The following PCDH15 variants were observed in gnomAD, a reference collection of about 807,000 sequenced individuals.
PCDH15 encodes protocadherin-15.
In PCDH15, 129 loss-of-function variants were observed where a neutral mutation model predicts 178.5. That is an observed-to-expected ratio of 0.72 (90% confidence interval 0.63 to 0.84). The LOEUF (loss-of-function observed/expected upper bound fraction) is 0.84. PCDH15 is among the 40% of genes least tolerant of loss of function. The pLI is 0.00. For missense variants in PCDH15, 2,230 were observed against 2,099.9 expected, an observed-to-expected ratio of 1.06 and a Z score of -1.21; for synonymous variants, 800 against 732.0, an observed-to-expected ratio of 1.09 and a Z score of -1.50.
chr10:55,401,460 C>T (rs1040762865), intron 2 of PCDH15, among the ~76,000 whole-genome samples: 28 of 152,048 alleles, frequency 1.8e-4, no homozygotes, highest in Non-Finnish European at 3.5e-4. Flanking sequence ...ATCCTGTCCA[C>T]AGTACATCAC....
intron 1 of PCDH15, among the ~76,000 whole-genome samples, chr10:55,264,201 A>G (rs935069738): frequency 2.6e-5 from 4 of 152,142 alleles, no homozygotes; most frequent in African/African-American, 9.7e-5. Flanking sequence ...TTCAATCCGA[A>G]GCTCGATTCC....
intron 2 of PCDH15, among the ~76,000 whole-genome samples, chr10:55,491,182 C>T (rs182925595): frequency 8.6e-5 from 13 of 151,772 alleles, no homozygotes; most frequent in South Asian, 4.1e-4. Context: ...ATTACAGGAA[C>T]GTGTGGTCAA....
intron 2 of PCDH15, among the ~76,000 whole-genome samples, chr10:54,576,140 T>C (rs111511453): frequency 0.011 from 15 of 1,316 alleles, no homozygotes; most frequent in Non-Finnish European, 0.07. Context: ...TGTATCCATC[T>C]ATCTATCTAT....
chr10:55,457,352 A>C (rs1589044659), intron 2 of PCDH15, among the ~76,000 whole-genome samples: 2 of 152,156 alleles, frequency 1.3e-5, no homozygotes, highest in Middle Eastern at 6.9e-3. Context: ...TTAAACATAA[A>C]CATTGATGTT....
intron 1 of PCDH15, among the ~76,000 whole-genome samples, chr10:55,170,047 G>A (rs965034708): frequency 1.4e-4 from 22 of 152,080 alleles, no homozygotes; most frequent in African/African-American, 5.3e-4. Flanking sequence ...AGTGAGGGAA[G>A]GAGTAGAAGA....
chr10:54,412,393 T>C (rs1055344695), intron 3 of PCDH15, among the ~76,000 whole-genome samples: 9 of 152,024 alleles, frequency 5.9e-5, no homozygotes, highest in Non-Finnish European at 1.3e-4. Flanking sequence ...GAAGTTGATC[T>C]TACAGGTATT....
At chr10:55,298,472 T>C (rs1843190850) in intron 1 of PCDH15, among the ~76,000 whole-genome samples, 1 of 152,220 alleles carries the variant, frequency 6.6e-6, no homozygotes, top group African/African-American at 2.4e-5. Context: ...TAGTGAAAAT[T>C]GAACTCTGTA....
chr10:55,188,156 T>C (rs1490187537), intron 1 of PCDH15, among the ~76,000 whole-genome samples: 2 of 152,012 alleles, frequency 1.3e-5, no homozygotes, highest in Non-Finnish European at 2.9e-5. Flanking sequence ...GCTCACTGTG[T>C]GGTGTTTTTC....
At chr10:55,620,769 T>C (rs1382499958) in intron 2 of PCDH15, among the ~76,000 whole-genome samples, 1 of 151,490 alleles carries the variant, frequency 6.6e-6, no homozygotes, top group Non-Finnish European at 1.5e-5. Context: ...CAATAATTAA[T>C]ATATTATTTT....
rs769350818 is a variant in PCDH15, at chr10:54,378,793, G to A, written c.307C>T (p.Leu103=). Residue 103 remains leucine (L), a synonymous_variant, in exon 4 of 38, where the codon CTG becomes TTG. Coordinates refer to ENST00000644397, the MANE Select transcript of PCDH15 (RefSeq NM_001384140.1). ...MLFLNSTGRV[L]DRDPPMNIHS... ...AAAAAATCACTAACATCTCTATCCA[G>A]AACTCTTCCGGTGCTGTTCAGGAAA... 6.2e-7 allele frequency: 1 copy of A among 1,613,620 alleles called. No individual in the cohort carries two copies.
chr10:54,365,475 C>G (rs944168700), intron 5 of PCDH15, among the ~76,000 whole-genome samples: 5 of 152,042 alleles, frequency 3.3e-5, no homozygotes, highest in African/African-American at 4.8e-5. Flanking sequence ...AAAATTTTCT[C>G]TCAATGAAAA....
At chr10:54,907,473 G>A (rs564195892) in intron 2 of PCDH15, among the ~76,000 whole-genome samples, 13 of 152,200 alleles carry the variant, frequency 8.5e-5, no homozygotes, top group South Asian at 2.1e-4. Flanking sequence ...TGATGAAGAC[G>A]TCACATACTG....
At chr10:54,777,264 C>T (rs1217108341) in intron 1 of PCDH15, among the ~76,000 whole-genome samples, 1 of 152,182 alleles carries the variant, frequency 6.6e-6, no homozygotes, top group Non-Finnish European at 1.5e-5. Flanking sequence ...TACCAATCAT[C>T]GAGCGCTGGC....
chr10:53,968,122 T>C (rs1052888817), intron 21 of PCDH15, among the ~76,000 whole-genome samples: 3 of 152,298 alleles, frequency 2.0e-5, no homozygotes, highest in Middle Eastern at 3.4e-3. Context: ...CCATGACAGA[T>C]GGTACCTGGA....
chr10:54,680,494 A>G (rs2094879584), intron 1 of PCDH15, among the ~76,000 whole-genome samples: 1 of 152,010 alleles, frequency 6.6e-6, no homozygotes, highest in Admixed American at 6.6e-5. Flanking sequence ...TAATACAAAT[A>G]TAGTTTAGGT....
chr10:55,379,863 G>C (rs1252262069), intron 2 of PCDH15, among the ~76,000 whole-genome samples: 1 of 152,032 alleles, frequency 6.6e-6, no homozygotes, highest in East Asian at 1.9e-4. Context: ...GTCTCCTATG[G>C]CTGATAAAAA....
Position 53,827,453 on chromosome 10 carries a change from G to A in PCDH15, c.4307C>T (p.Pro1436Leu), listed in dbSNP as rs555694787. ...VPAPAPVAAP[P>L]PPPPPPPGAH... ...ACCTGGCGGAGGCGGCGGCGGCGGC[G>A]GGGGCGCTGCCACTGGTGCAGGAGC... Residue 1436 changes from proline (P) to leucine (L), a missense_variant, in exon 32 of 38, where the codon CCG becomes CTG. Pro to Leu is a moderately conservative substitution (Grantham distance 98). Transcript: ENST00000644397. 1.1e-5 allele frequency: 17 copies of A among 1,613,430 alleles called. No individual in the cohort carries two copies. The highest frequency in any genetic ancestry group is 2.2e-5 in the East Asian group (1 of 44,860).
chr10:54,914,060 G>C (rs984643338), intron 2 of PCDH15, among the ~76,000 whole-genome samples: 1 of 152,146 alleles, frequency 6.6e-6, no homozygotes, highest in Non-Finnish European at 1.5e-5. Flanking sequence ...GATTTTCAGG[G>C]ACTGTTTGAA....
At chr10:55,321,024 C>A (rs2132299524), upstream of PCDH15, among the ~76,000 whole-genome samples, 1 of 150,988 alleles carries the variant, frequency 6.6e-6, no homozygotes, top group Non-Finnish European at 1.5e-5. Flanking sequence ...AAGCCCAATT[C>A]AAAGATTCTA....
Sources: allele counts gnomAD v4.1 joint callset (sites outside exome capture counted in the v4.1 genomes callset), GRCh38; gene constraint gnomAD v4.1.1; transcripts MANE v1.5; gene names NCBI Gene and HGNC (gene_info 2026-07-23, HGNC 2026-07-21).